LRRIQ1: variants seen among roughly 807,000 people sequenced by gnomAD.
LRRIQ1 encodes the protein leucine-rich repeat- and IQ domain-containing protein 1.
A neutral mutation model predicts 211.9 loss-of-function variants in LRRIQ1; 210 were observed. The ratio of observed to expected loss-of-function variants is 0.99; its 90% confidence interval spans 0.89 to 1.11. The LOEUF (loss-of-function observed/expected upper bound fraction) is 1.11. Ranked by LOEUF, LRRIQ1 falls within the 50% of genes most tolerant of loss-of-function variation. LRRIQ1 has a pLI of 0.00. For synonymous variants in LRRIQ1, 699 were observed against 650.1 expected (o/e 1.08, Z -1.14); for missense variants, 2,136 against 1,939.5 (o/e 1.10, Z -1.90).
At chr12:85,170,126 G>T (rs1307795496) in intron 24 of LRRIQ1, among the ~76,000 whole-genome samples, 4 of 151,904 alleles carry the variant, frequency 2.6e-5, no homozygotes, top group African/African-American at 9.7e-5. Flanking sequence ...GGCAATCTAA[G>T]GTCTGAGAGC....
intron 1 of LRRIQ1, among the ~76,000 whole-genome samples, chr12:85,037,365 T>G (rs898251037): frequency 1.3e-5 from 2 of 152,008 alleles, no homozygotes; most frequent in African/African-American, 2.4e-5. Context: ...CCGTGCATTT[T>G]GCTTTGTAGG....
chr12:85,176,295 T>G (rs1404586423), intron 24 of LRRIQ1, among the ~76,000 whole-genome samples: 1 of 152,034 alleles, frequency 6.6e-6, no homozygotes, highest in East Asian at 1.9e-4. Context: ...ACTCATGATT[T>G]GGCTCTCTGT....
At chr12:85,130,632 G>A (rs1011315) in intron 18 of LRRIQ1, among the ~76,000 whole-genome samples, 5,470 of 152,188 alleles carry the variant, frequency 0.036, 324 homozygotes, top group African/African-American at 0.13. Flanking sequence ...CATCATTGAA[G>A]TGAACTCCAT....
chr12:85,038,892 C>T (rs1201805884), intron 2 of LRRIQ1, among the ~76,000 whole-genome samples: 1 of 151,284 alleles, frequency 6.6e-6, no homozygotes, highest in East Asian at 1.9e-4. Flanking sequence ...TGTTCTTTTC[C>T]ATTACTTTAT....
chr12:85,231,066 C>G (rs1894916329), intron 25 of LRRIQ1, among the ~76,000 whole-genome samples: 1 of 151,712 alleles, frequency 6.6e-6, no homozygotes, highest in Admixed American at 6.6e-5. Context: ...AAAAAGTAAG[C>G]CAATATTGAA....
chr12:85,269,169 A>G (rs1374942648), downstream of LRRIQ1, among the ~76,000 whole-genome samples: 2 of 151,984 alleles, frequency 1.3e-5, no homozygotes, highest in African/African-American at 4.8e-5. Context: ...GATACCGGAA[A>G]TTAGTGGAAA....
At chr12:85,099,495 A>G (rs1203369434) in intron 13 of LRRIQ1, among the ~76,000 whole-genome samples, 7 of 151,910 alleles carry the variant, frequency 4.6e-5, no homozygotes, top group Admixed American at 1.3e-4. Context: ...TTAACATTCA[A>G]TTGAAATGGG....
intron 24 of LRRIQ1, among the ~76,000 whole-genome samples, chr12:85,217,774 CTCTCTCTA>C (rs1565910394): frequency 1.8e-5 from 2 of 108,398 alleles, no homozygotes; most frequent in African/African-American, 1.8e-4. Context: ...ATGTGTGTGT[CTCTCTCTA>C]TATATATATG....
rs1329586569 is a variant in LRRIQ1, at chr12:85,198,819, T to C, written c.4823-30698T>C. Reference sequence around the variant, plus strand: ...TGCTGACCTCGTGATCCACCCGCCTTGGCCTCCCAAAGTGCTGGGATTACA... The same window carrying C: ...TGCTGACCTCGTGATCCACCCGCCTCGGCCTCCCAAAGTGCTGGGATTACA... On this transcript the variant is annotated intron_variant, in intron 24 of 26. Coordinates refer to ENST00000393217, the MANE Select transcript of LRRIQ1 (RefSeq NM_001079910.2). 3.9e-5 allele frequency among the ~76,000 whole-genome samples: 6 copies of C among 152,202 alleles called. No individual in the cohort carries two copies. The East Asian group carries it at 5.8e-4, about 15-fold the overall frequency.
chr12:85,136,335 TTAGTGGA>T (rs1385773281), intron 18 of LRRIQ1, among the ~76,000 whole-genome samples: 1 of 151,942 alleles, frequency 6.6e-6, no homozygotes, highest in Non-Finnish European at 1.5e-5. Context: ...GGGAAAGTTT[TTAGTGGA>T]AAAAGGGAAC....
chr12:85,055,689 C>G lies in LRRIQ1; in HGVS notation c.896C>G (p.Ala299Gly). The change falls in exon 8 of 27, where the codon GCC becomes GGC. Residue 299 changes from alanine to glycine, a missense_variant. Physicochemically the swap from Ala to Gly is moderately conservative, Grantham distance 60. Coordinates refer to ENST00000393217, the MANE Select transcript of LRRIQ1 (RefSeq NM_001079910.2). ...CAAGCTAAATATAAAGCATTTGTTG[C>G]CTATCAAAAATATGGCCCAATTATT... ...KIQAKYKAFV[A>G]YQKYGPIIKE... 1 of 1,607,582 alleles carries G rather than the reference C, an allele frequency of 6.2e-7. No individual in the cohort carries two copies. The highest frequency in any genetic ancestry group is 8.5e-7 in the Non-Finnish European group (1 of 1,177,864).
intron 11 of LRRIQ1, among the ~76,000 whole-genome samples, chr12:85,091,066 C>G (rs1209322503): frequency 6.6e-6 from 1 of 151,954 alleles, no homozygotes; most frequent in Admixed American, 6.6e-5. Flanking sequence ...GGCATCTGCC[C>G]CCTCTCTCTC....
chr12:85,133,857 A>ATT (rs1172365839), intron 18 of LRRIQ1, among the ~76,000 whole-genome samples: 1 of 152,228 alleles, frequency 6.6e-6, no homozygotes, highest in East Asian at 1.9e-4. Context: ...GGAAAAGAAA[A>ATT]TCTCTACTAT....
At chr12:85,101,810 G>A (rs373118082) in intron 13 of LRRIQ1, among the ~76,000 whole-genome samples, 19 of 151,634 alleles carry the variant, frequency 1.3e-4, no homozygotes, top group Admixed American at 6.6e-4. Flanking sequence ...TTTTCAAAGC[G>A]TATATTTCTT....
rs370031935 is a variant in LRRIQ1 at position 85,046,068 on chromosome 12, T to C, written c.385T>C (p.Cys129Arg). The C allele has an allele frequency of 2.2e-5, 36 of 1,612,164 alleles. No individual in the cohort carries two copies. Among genetic ancestry groups the C allele is most frequent in the Non-Finnish European group, 3.1e-5 (36 of 1,178,766 alleles). Reference sequence around the variant, plus strand: ...AGAATTTATGAGAAGTAAAACCGATTGTGCCACTCCTGATTTTGTTCCTGA... The same window carrying C: ...AGAATTTATGAGAAGTAAAACCGATCGTGCCACTCCTGATTTTGTTCCTGA... The part of the protein sequence containing the change: ...KEEFMRSKTD[C>R]ATPDFVPEPS... Residue 129 changes from cysteine to arginine, a missense_variant, in exon 5 of 27, where the codon TGT becomes CGT. Coordinates refer to ENST00000393217, the MANE Select transcript of LRRIQ1 (RefSeq NM_001079910.2).
chr12:85,134,243 T>A (rs1459602251), intron 18 of LRRIQ1, among the ~76,000 whole-genome samples: 1 of 152,148 alleles, frequency 6.6e-6, no homozygotes, highest in Non-Finnish European at 1.5e-5. Flanking sequence ...TGGTGGCTCA[T>A]AGGCTCCATT....
chr12:85,199,691 G>A (rs957094315), intron 24 of LRRIQ1, among the ~76,000 whole-genome samples: 1 of 152,136 alleles, frequency 6.6e-6, no homozygotes, highest in Non-Finnish European at 1.5e-5. Context: ...ACACCTCAGG[G>A]CAGCAGGATG....
chr12:85,232,717 A>C lies in LRRIQ1; in HGVS notation c.4977A>C (p.Leu1659Phe), dbSNP rs564846185. Residue 1659 changes from leucine to phenylalanine, a missense_variant, in exon 26 of 27, where the codon TTA (leucine) becomes TTC (phenylalanine). Physicochemically the swap from Leu to Phe is conservative, Grantham distance 22. Coordinates refer to ENST00000393217, the MANE Select transcript of LRRIQ1 (RefSeq NM_001079910.2). ...NMKCNHFLPE[L>F]DPDVLNGGRV... The stretch of plus-strand genomic sequence containing the variant: ...GCAGCAATCACTTTTTGCCTGAGTT[A>C]GATCCAGATGTACTTAATGGTGGAA... The C allele has an allele frequency of 1.2e-6, 2 of 1,612,608 alleles. No homozygotes were observed. The highest frequency in any genetic ancestry group is 1.7e-5 in the Admixed American group (1 of 59,854).
chr12:85,192,484 GTT>G (rs1565894015), intron 24 of LRRIQ1, among the ~76,000 whole-genome samples: 1 of 118,918 alleles, frequency 8.4e-6, no homozygotes, highest in East Asian at 2.4e-4. Flanking sequence ...AATATATATA[GTT>G]ATATAATATA....
Sources: gnomAD v4.1 joint callset for allele counts (sites outside exome capture counted in the v4.1 genomes callset) on GRCh38, gnomAD v4.1.1 for gene constraint, MANE v1.5 for transcripts, NCBI Gene and HGNC (gene_info 2026-07-23, HGNC 2026-07-21) for gene names.